The following CDH5 variants were observed in gnomAD, a reference collection of about 807,000 sequenced individuals.
CDH5 encodes the protein cadherin 5.
CDH5 carries 28 observed loss-of-function variants against 62.0 expected under a neutral mutation model. That is an observed-to-expected ratio of 0.45 (90% CI 0.33 to 0.62). CDH5 has a LOEUF of 0.62. Ranked by LOEUF, CDH5 falls within the 20% of genes least tolerant of loss-of-function variation. The pLI is 0.02. For missense variants in CDH5, 940 were observed against 1,065.1 expected, an observed-to-expected ratio of 0.88 and a Z score of 1.63; for synonymous variants, 464 against 445.8, an observed-to-expected ratio of 1.04 and a Z score of -0.52.
At position 66,388,065 on chromosome 16, in the gene CDH5, G is replaced by A. The variant is rs554197052; in HGVS notation, c.500-259G>A. ...TTTCTCTCCCTGACCCCAACCCTCC[G>A]CCCCCTCCCTCATTTCCCCAGGAAG... On this transcript the variant is annotated intron_variant, in intron 3 of 11. Transcript: ENST00000341529. 3.3e-5 allele frequency among the ~76,000 whole-genome samples: 5 copies of A among 150,836 alleles called. No homozygotes were observed. In the East Asian group the frequency reaches 5.9e-4, roughly 18 times the overall value.
chr16:66,391,805 C>G (rs1473371483), intron 6 of CDH5, among the ~76,000 whole-genome samples: 1 of 152,152 alleles, frequency 6.6e-6, no homozygotes, highest in East Asian at 1.9e-4. Context: ...CCTTAAGGAC[C>G]TGTGGGTAGA....
chr16:66,380,724 T>G (rs904277111), intron 2 of CDH5, among the ~76,000 whole-genome samples: 1 of 151,174 alleles, frequency 6.6e-6, no homozygotes, highest in Non-Finnish European at 1.5e-5. Flanking sequence ...AAGGTGGTGG[T>G]GGTGGTGGTA....
rs1433384807 is a variant in CDH5, at chr16:66,392,381, TG to T, written c.1217+1del. The T allele has an allele frequency of 1.2e-6, 2 of 1,613,936 alleles. No individual in the cohort carries two copies. The highest frequency in any genetic ancestry group is 1.7e-6 in the Non-Finnish European group (2 of 1,179,988). ...MDPDAARHSI[G>X]YSIRRTSDKG... is the part of the protein sequence containing the mutation. The stretch of plus-strand genomic sequence containing the variant: ...ACCCTGATGCGGCTAGGCATAGCAT[TG>T]GGTAAGGGGGCGTGTGTCGATGAGA... On this transcript the variant is annotated frameshift_variant and splice_region_variant, in exon 7 of 12. Transcript: ENST00000341529. LOFTEE classifies it high-confidence loss of function.
At chr16:66,402,417 G>A (rs1180949221) in intron 11 of CDH5, among the ~76,000 whole-genome samples, 2 of 47,126 alleles carry the variant, frequency 4.2e-5, no homozygotes, top group East Asian at 5.1e-4. Context: ...CGGCAGGGAC[G>A]GGGTGTGGGG....
At chr16:66,396,751 G>A (rs1195874225) in intron 8 of CDH5, among the ~76,000 whole-genome samples, 1 of 152,216 alleles carries the variant, frequency 6.6e-6, no homozygotes, top group African/African-American at 2.4e-5. Context: ...GGAGGGGCAA[G>A]AGTTGGAGTT....
At chr16:66,372,549 G>A (rs1405729988) in intron 1 of CDH5, among the ~76,000 whole-genome samples, 1 of 152,218 alleles carries the variant, frequency 6.6e-6, no homozygotes, top group Non-Finnish European at 1.5e-5. Flanking sequence ...GGCAGCTGGA[G>A]AGGAGCAGAA....
In CDH5 at chr16:66,381,355, A is replaced by G. The variant is rs866758814; in HGVS notation, c.210+1808A>G. ...ATGTCTATCCTAAGCCCATCCTCCTAGAGCTCAGAGCATATCTGAGTGACT... is the reference window on the plus strand; with the variant it reads ...ATGTCTATCCTAAGCCCATCCTCCTGGAGCTCAGAGCATATCTGAGTGACT... On this transcript the variant is annotated intron_variant, in intron 2 of 11. Coordinates refer to ENST00000341529, the MANE Select transcript of CDH5 (RefSeq NM_001795.5). Among the ~76,000 whole-genome samples, 15 of 152,266 alleles carry G rather than the reference A, an allele frequency of 9.9e-5. No individual in the cohort carries two copies. The South Asian group carries it at 2.5e-3, about 25-fold the overall frequency.
chr16:66,403,067 C>T lies in CDH5; in HGVS notation c.2253C>T (p.Ser751=), dbSNP rs1389550883. The change falls in exon 12 of 12, where the codon TCC becomes TCT. Residue 751 remains serine, a synonymous_variant. Coordinates refer to ENST00000341529, the MANE Select transcript of CDH5 (RefSeq NM_001795.5). This position sits in a 1 kb window ranked among gnomAD's most constrained non-coding sequence, Gnocchi z 4.3. ...TCAGCTCCCTGGGCACCGACTCATC[C>T]GACTCTGACGTGGATTACGACTTCC... ...ESLSSLGTDS[S]DSDVDYDFLN... 1.2e-6 allele frequency: 2 copies of T among 1,613,634 alleles called. No homozygotes were observed. Among genetic ancestry groups the T allele is most frequent in the African/African-American group, 1.3e-5 (1 of 75,044 alleles).
rs778877848 is a variant in CDH5 at position 66,402,874 on chromosome 16, A to G, written c.2060A>G (p.Gln687Arg). ...GACGCCCGGCCTTCCCTCTATGCGCAGGTGCAGAAGCCACCGAGGCACGCG... is the reference window on the plus strand; with the variant it reads ...GACGCCCGGCCTTCCCTCTATGCGCGGGTGCAGAAGCCACCGAGGCACGCG... ...ALDARPSLYA[Q>R]VQKPPRHAPG... The change falls in exon 12 of 12, where the codon CAG becomes CGG. Residue 687 changes from glutamine to arginine, a missense_variant. Transcript: ENST00000341529. The G allele has an allele frequency of 4.4e-5, 71 of 1,608,624 alleles. No homozygotes were observed. The East Asian group carries it at 1.5e-3, about 35-fold the overall frequency.
Position 66,396,062 on chromosome 16 carries a change from C to A in CDH5, c.1221C>A (p.Tyr407Ter). The A allele has an allele frequency of 6.2e-7, 1 of 1,613,632 alleles. No homozygotes were observed. The highest frequency in any genetic ancestry group is 1.1e-5 in the South Asian group (1 of 91,034). ...DPDAARHSIG[Y>*]SIRRTSDKGQ... ...TGAAACTCTCTCCCCTGGGCAGATA[C>A]TCCATCCGCAGGACCAGTGACAAGG... The change falls in exon 8 of 12, where the codon TAC becomes TAA. Residue 407 changes from tyrosine to a stop codon, truncating the protein, a stop_gained. Coordinates refer to ENST00000341529, the MANE Select transcript of CDH5 (RefSeq NM_001795.5). LOFTEE classifies it high-confidence loss of function.
chr16:66,403,732 C>G lies in CDH5; in HGVS notation c.*563C>G, dbSNP rs891512326. On this transcript the variant is annotated 3_prime_UTR_variant, in exon 12 of 12. Transcript: ENST00000341529. This position sits in a 1 kb window ranked among gnomAD's most constrained non-coding sequence, Gnocchi z 4.3. ...CCAAGTGCCCCACCACTCCCCAACCCCTCTCCAGGCCTGTCAAGAGGGAGG... is the reference window on the plus strand; with the variant it reads ...CCAAGTGCCCCACCACTCCCCAACCGCTCTCCAGGCCTGTCAAGAGGGAGG... 4 of 161,504 alleles carry G rather than the reference C, an allele frequency of 2.5e-5. No homozygotes were observed. Among genetic ancestry groups the G allele is most frequent in the Admixed American group, 1.1e-4 (2 of 17,492 alleles). 10.0% of individuals were successfully genotyped at this position (161,504 alleles called of 1,614,324 possible).
chr16:66,400,714 AG>A (rs1961264586), intron 10 of CDH5, 56 bp from the exon 11 acceptor site: 1 of 1,611,850 alleles, frequency 6.2e-7, no homozygotes, highest in East Asian at 2.2e-5. Context: ...TGGAGGAGCC[AG>A]GTTTCCCCAT....
intron 7 of CDH5, among the ~76,000 whole-genome samples, chr16:66,394,977 G>T (rs1961150538): frequency 8.2e-6 from 1 of 121,692 alleles, no homozygotes; most frequent in African/African-American, 3.1e-5. Flanking sequence ...CAGCCTCTGA[G>T]TATCTGGGAC....
intron 7 of CDH5, among the ~76,000 whole-genome samples, chr16:66,395,101 T>G (rs1416457546): frequency 7.7e-6 from 1 of 129,576 alleles, no homozygotes; most frequent in Non-Finnish European, 1.6e-5. Context: ...TGGGCTGGGC[T>G]GGTCTTGAAC....
intron 6 of CDH5, among the ~76,000 whole-genome samples, chr16:66,391,688 G>A (rs1050588423): frequency 5.9e-5 from 9 of 152,114 alleles, no homozygotes; most frequent in African/African-American, 1.4e-4. Flanking sequence ...CAGGAGAATC[G>A]CTTGAACCTG....
intron 8 of CDH5, 86 bp downstream of exon 8, chr16:66,396,287 C>G (rs1961184371): frequency 3.9e-6 from 6 of 1,543,844 alleles, no homozygotes; most frequent in Non-Finnish European, 5.3e-6. Flanking sequence ...AATTTGGGGT[C>G]TCTAGACGTA....
chr16:66,388,244 GC>G (rs1961020393), intron 3 of CDH5, 79 bp from the exon 4 acceptor site: 2 of 860,102 alleles, frequency 2.3e-6, no homozygotes, highest in Middle Eastern at 5.3e-4. Flanking sequence ...CACAGCCTGA[GC>G]CCCATCTGCT....
At chr16:66,370,289 C>T (rs560786480) in intron 1 of CDH5, among the ~76,000 whole-genome samples, 3 of 152,088 alleles carry the variant, frequency 2.0e-5, no homozygotes, top group South Asian at 2.1e-4. Context: ...GTGTGAGCCA[C>T]CACACCTGGC....
intron 10 of CDH5, among the ~76,000 whole-genome samples, chr16:66,399,241 G>A (rs1450963744): frequency 6.6e-6 from 1 of 152,214 alleles, no homozygotes; most frequent in Non-Finnish European, 1.5e-5. Context: ...GAGCTTCTGA[G>A]GAGTAGGTGC....
Sources: allele counts gnomAD v4.1 joint callset (sites outside exome capture counted in the v4.1 genomes callset), GRCh38; gene constraint gnomAD v4.1.1; non-coding constraint Gnocchi (gnomAD v3.1); transcripts MANE v1.5; gene names NCBI Gene and HGNC (gene_info 2026-07-23, HGNC 2026-07-21).